The following JCAD variants were observed in gnomAD, a reference collection of about 807,000 sequenced individuals.
JCAD encodes junctional cadherin 5-associated protein.
A neutral mutation model predicts 98.0 loss-of-function variants in JCAD; 40 were observed. The observed-to-expected ratio is 0.41, with a 90% confidence interval of 0.32 to 0.53. The LOEUF (loss-of-function observed/expected upper bound fraction) is 0.53. JCAD is among the 20% of genes least tolerant of loss of function. JCAD has a pLI of 0.31. For missense variants in JCAD, 1,705 were observed against 1,738.1 expected (o/e 0.98, Z 0.34); for synonymous variants, 691 against 682.3 (o/e 1.01, Z -0.20).
At chr10:30,053,888 C>T (rs901269277) in intron 1 of JCAD, among the ~76,000 whole-genome samples, 1 of 152,026 alleles carries the variant, frequency 6.6e-6, no homozygotes, top group Non-Finnish European at 1.5e-5. Context: ...CGCAGTTAAA[C>T]CCCGTTTCTA....
At chr10:30,097,607 C>T (rs113406398) in intron 1 of JCAD, among the ~76,000 whole-genome samples, 5 of 151,986 alleles carry the variant, frequency 3.3e-5, no homozygotes, top group East Asian at 1.9e-4. Context: ...ATTAGCCAGG[C>T]GTAGTGGTGC....
chr10:30,050,314 CAAAAA>C (rs61421356), intron 1 of JCAD, among the ~76,000 whole-genome samples: 1,057 of 41,692 alleles, frequency 0.025, 7 homozygotes, highest in African/African-American at 0.072. Flanking sequence ...GACCCTGTCT[CAAAAA>C]AAAAAAAAAA....
chr10:30,023,653 C>T (rs564968372), intron 3 of JCAD, among the ~76,000 whole-genome samples: 2 of 151,580 alleles, frequency 1.3e-5, no homozygotes, highest in Non-Finnish European at 2.9e-5. Flanking sequence ...GATTTTTGGC[C>T]ATTTTATTGT....
intron 1 of JCAD, among the ~76,000 whole-genome samples, chr10:30,100,789 C>T (rs1838459230): frequency 1.3e-5 from 2 of 152,204 alleles, no homozygotes; most frequent in Non-Finnish European, 2.9e-5. Context: ...TGACACAGCC[C>T]TCAGGAGATC....
intron 3 of JCAD, among the ~76,000 whole-genome samples, chr10:30,020,996 G>A (rs1836650441): frequency 6.6e-6 from 1 of 152,094 alleles, no homozygotes; most frequent in Non-Finnish European, 1.5e-5. Flanking sequence ...CACCCTTCGA[G>A]ACCCTTACTA....
chr10:30,075,896 A>G (rs1253583985), intron 1 of JCAD, among the ~76,000 whole-genome samples: 1 of 152,162 alleles, frequency 6.6e-6, no homozygotes, highest in Admixed American at 6.5e-5. Flanking sequence ...TCCTCACTGT[A>G]TTATAGCACT....
At chr10:30,071,785 A>G (rs749607679) in intron 1 of JCAD, among the ~76,000 whole-genome samples, 5 of 152,164 alleles carry the variant, frequency 3.3e-5, no homozygotes, top group Non-Finnish European at 5.9e-5. Context: ...CTCAAAACTA[A>G]ATAAATAAAA....
chr10:30,076,191 A>AT (rs927320355), intron 1 of JCAD, among the ~76,000 whole-genome samples: 3 of 151,642 alleles, frequency 2.0e-5, no homozygotes, highest in Non-Finnish European at 2.9e-5. Context: ...ACCCGGCTAA[A>AT]TTTTTTTGTA....
chr10:30,037,634 A>G (rs2132630619), intron 2 of JCAD, among the ~76,000 whole-genome samples: 1 of 150,872 alleles, frequency 6.6e-6, no homozygotes, highest in East Asian at 1.9e-4. Context: ...TGGAGGTTAC[A>G]GTTTTGTTAT....
At chr10:30,083,397 G>T (rs944639947) in intron 1 of JCAD, among the ~76,000 whole-genome samples, 2 of 152,158 alleles carry the variant, frequency 1.3e-5, no homozygotes, top group Non-Finnish European at 2.9e-5. Flanking sequence ...AGTCACTCAT[G>T]TCAGATTTTC....
chr10:30,114,826 A>ATAG (rs1838763955), intron 1 of JCAD, among the ~76,000 whole-genome samples: 3 of 150,678 alleles, frequency 2.0e-5, no homozygotes, highest in African/African-American at 7.3e-5. Context: ...TTTAAAGCCG[A>ATAG]ATAGATAGAT....
chr10:30,099,935 C>T (rs890666101), intron 1 of JCAD, among the ~76,000 whole-genome samples: 11 of 152,220 alleles, frequency 7.2e-5, no homozygotes, highest in Non-Finnish European at 1.2e-4. Context: ...TGCCCTGACT[C>T]ATTCTCCATC....
Position 30,043,816 on chromosome 10 carries a change from G to C in JCAD, c.281+3716C>G, listed in dbSNP as rs147661933. 3.9e-3 allele frequency among the ~76,000 whole-genome samples: 593 copies of C among 152,358 alleles called. 4 individuals carry two copies. The highest frequency in any genetic ancestry group is 0.014 in the African/African-American group (562 of 41,584). Reference sequence around the variant, plus strand: ...AGCCCCAAGGCATCTGGCAGCCCGGGGGGTGGGGAAGTTGTGGCTCAAGCT... The same window carrying C: ...AGCCCCAAGGCATCTGGCAGCCCGGCGGGTGGGGAAGTTGTGGCTCAAGCT... On this transcript the variant is annotated intron_variant, in intron 2 of 3. Transcript: ENST00000375377.
chr10:30,091,681 G>A (rs116068294), intron 1 of JCAD, among the ~76,000 whole-genome samples: 3,758 of 120,100 alleles, frequency 0.031, 146 homozygotes, highest in African/African-American at 0.1. Flanking sequence ...TACATGGTTT[G>A]TAATTTTTTT....
intron 1 of JCAD, among the ~76,000 whole-genome samples, chr10:30,110,381 C>T (rs554346116): frequency 3.9e-5 from 6 of 152,042 alleles, no homozygotes; most frequent in Non-Finnish European, 8.8e-5. Flanking sequence ...ATGTATAGAC[C>T]AGCTGATGTG....
At chr10:30,094,884 A>G (rs1240482853) in intron 1 of JCAD, among the ~76,000 whole-genome samples, 1 of 151,866 alleles carries the variant, frequency 6.6e-6, no homozygotes, top group Non-Finnish European at 1.5e-5. Flanking sequence ...TCCTCCTCCT[A>G]CACTCTCTCT....
At chr10:30,034,201 C>T (rs765654025) in intron 2 of JCAD, among the ~76,000 whole-genome samples, 5 of 151,434 alleles carry the variant, frequency 3.3e-5, no homozygotes, top group East Asian at 1.9e-4. Flanking sequence ...CCAGCCTGGG[C>T]GACAGAGCAA....
In JCAD at chr10:30,028,254, G is replaced by C; in HGVS notation, c.1894C>G (p.Leu632Val). ...QSLLSMSSTD[L>V]ELQALTGSMG... is the part of the protein sequence containing the mutation. ...CTTCCTGTGAGGGCCTGCAGCTCCAGGTCGGTGGAAGACATGCTCAGCAGA... is the reference window on the plus strand; with the variant it reads ...CTTCCTGTGAGGGCCTGCAGCTCCACGTCGGTGGAAGACATGCTCAGCAGA... Residue 632 changes from leucine (L) to valine (V), a missense_variant, in exon 3 of 4, where the codon CTG becomes GTG. This residue lies in a region of JCAD where 1,278 missense variants were observed against 1,243.1 expected (regional missense o/e 1.03). Transcript: ENST00000375377. 1 of 1,614,202 alleles carries C rather than the reference G, an allele frequency of 6.2e-7. No individual in the cohort carries two copies. The highest frequency in any genetic ancestry group is 8.5e-7 in the Non-Finnish European group (1 of 1,180,046).
At chr10:30,042,600 C>T (rs1358963690) in intron 2 of JCAD, among the ~76,000 whole-genome samples, 1 of 151,500 alleles carries the variant, frequency 6.6e-6, no homozygotes, top group Non-Finnish European at 1.5e-5. Context: ...CGGAGACGCA[C>T]AGATGGGTGG....
Sources: allele counts gnomAD v4.1 joint callset (sites outside exome capture counted in the v4.1 genomes callset), GRCh38; gene constraint gnomAD v4.1.1; regional missense constraint gnomAD v4.1.1; transcripts MANE v1.5; gene names NCBI Gene and HGNC (gene_info 2026-07-23, HGNC 2026-07-21).